Variants in DIAPH3 observed in about 807,000 individuals in gnomAD.
The protein encoded by DIAPH3 is protein diaphanous homolog 3.
In DIAPH3, 117 loss-of-function variants were observed where a neutral mutation model predicts 144.3. That is an observed-to-expected ratio of 0.81 (90% CI 0.70 to 0.95). The LOEUF (loss-of-function observed/expected upper bound fraction) is 0.95. Ranked by LOEUF, DIAPH3 falls within the 40% of genes least tolerant of loss-of-function variation. The probability of loss-of-function intolerance (pLI) is 0.00; values close to 1 mark genes in which losing one functional copy is unlikely to be tolerated. For missense variants in DIAPH3, 1,421 were observed against 1,412.7 expected (o/e 1.01, Z -0.09); for synonymous variants, 519 against 488.9 (o/e 1.06, Z -0.81).
At chr13:59,981,191 TA>T (rs768210316) in intron 13 of DIAPH3, among the ~76,000 whole-genome samples, 1 of 150,736 alleles carries the variant, frequency 6.6e-6, no homozygotes, top group Non-Finnish European at 1.5e-5. Flanking sequence ...TAAACAAGCT[TA>T]AAAAAAACAG....
chr13:59,860,599 A>G (rs2043518648), intron 22 of DIAPH3, among the ~76,000 whole-genome samples: 3 of 151,900 alleles, frequency 2.0e-5, no homozygotes, highest in Admixed American at 1.3e-4. Flanking sequence ...TTATCCAGGC[A>G]TGGAGGCGGG....
intron 4 of DIAPH3, among the ~76,000 whole-genome samples, chr13:60,054,005 G>C (rs1038996291): frequency 6.6e-6 from 1 of 152,016 alleles, no homozygotes; most frequent in Non-Finnish European, 1.5e-5. Context: ...TAGAATACCT[G>C]TGATATCAAA....
In DIAPH3 at chr13:59,776,854, GAGAAAA is replaced by G. The variant is rs1453776242; in HGVS notation, c.3164-2037_3164-2032del. On this transcript the variant is annotated intron_variant, in intron 25 of 27. Transcript: ENST00000400324. ...GAAAGAAAATGGAAATATGGAATTG[GAGAAAA>G]AGAAAAAGAACCAAGAAGGGTTGGA... 9.2e-5 allele frequency among the ~76,000 whole-genome samples: 14 copies of G among 152,088 alleles called. No individual in the cohort carries two copies. In the East Asian group the frequency reaches 2.7e-3, roughly 29 times the overall value.
chr13:59,959,300 T>A (rs1055380974), intron 17 of DIAPH3, among the ~76,000 whole-genome samples: 1 of 152,320 alleles, frequency 6.6e-6, no homozygotes, highest in Middle Eastern at 3.4e-3. Context: ...AACACAAATA[T>A]GTTCATTTAA....
At chr13:59,712,259 C>G (rs1318695628) in intron 27 of DIAPH3, among the ~76,000 whole-genome samples, 2 of 152,206 alleles carry the variant, frequency 1.3e-5, no homozygotes, top group African/African-American at 4.8e-5. Flanking sequence ...CCTTCTAGTT[C>G]TCCAAGTGGT....
rs531245380 is a variant in DIAPH3 at position 59,874,031 on chromosome 13, T to G, written c.2607+5198A>C. Among the ~76,000 whole-genome samples the G allele has an allele frequency of 4.6e-5, 7 of 152,300 alleles. No individual in the cohort carries two copies. The South Asian group carries it at 1.5e-3, about 32-fold the overall frequency. On this transcript the variant is annotated intron_variant, in intron 21 of 27. Coordinates refer to ENST00000400324, the MANE Select transcript of DIAPH3 (RefSeq NM_001042517.2). Reference sequence around the variant, plus strand: ...TTTCGTTTTTGTCGTGGCTTTGGTGTTGGTTAATTTTCATTTTTTCATGTT... The same window carrying G: ...TTTCGTTTTTGTCGTGGCTTTGGTGGTGGTTAATTTTCATTTTTTCATGTT...
chr13:59,730,817 T>G (rs1485532477), intron 27 of DIAPH3, among the ~76,000 whole-genome samples: 15 of 152,174 alleles, frequency 9.9e-5, no homozygotes, highest in Admixed American at 7.9e-4. Context: ...GTTGAGATGA[T>G]CACATGAATG....
intron 24 of DIAPH3, 49 bp downstream of exon 24, chr13:59,833,058 A>T: frequency 2.9e-6 from 4 of 1,363,298 alleles, no homozygotes; most frequent in Non-Finnish European, 4.1e-6. Context: ...ATAATAGATA[A>T]GATAGTATAA....
intron 27 of DIAPH3, among the ~76,000 whole-genome samples, chr13:59,714,489 C>CA (rs1750885102): frequency 6.6e-6 from 1 of 151,952 alleles, no homozygotes; most frequent in Non-Finnish European, 1.5e-5. Context: ...GGGCTATGAA[C>CA]ACACCACTGC....
intron 13 of DIAPH3, among the ~76,000 whole-genome samples, chr13:59,983,468 A>C (rs2051163142): frequency 6.6e-6 from 1 of 151,604 alleles, no homozygotes; most frequent in Non-Finnish European, 1.5e-5. Flanking sequence ...CTTAAGTAAA[A>C]AATGGCAGTT....
At chr13:60,111,841 A>C (rs1021643074) in intron 3 of DIAPH3, among the ~76,000 whole-genome samples, 169 bp downstream of exon 3, 3 of 152,154 alleles carry the variant, frequency 2.0e-5, no homozygotes, top group Admixed American at 2.0e-4. Context: ...TTTTCTTCAG[A>C]TTTCATATTT....
chr13:59,932,391 G>A (rs1331317129), intron 17 of DIAPH3, among the ~76,000 whole-genome samples: 2 of 151,806 alleles, frequency 1.3e-5, no homozygotes, highest in Non-Finnish European at 2.9e-5. Context: ...ACTACTACTA[G>A]TATCATTGTC....
rs1448993882 is a variant in DIAPH3, at chr13:59,665,978, C to T, written c.*606G>A. 1 of 152,204 alleles carries T rather than the reference C, an allele frequency of 6.6e-6. No homozygotes were observed. The highest frequency in any genetic ancestry group is 2.4e-5 in the African/African-American group (1 of 41,418). 9.4% of individuals were successfully genotyped at this position (152,204 alleles called of 1,614,324 possible). On this transcript the variant is annotated 3_prime_UTR_variant, in exon 28 of 28. Coordinates refer to ENST00000400324, the MANE Select transcript of DIAPH3 (RefSeq NM_001042517.2). ...CATTTTTCGTTATGTGCTCAATTGC[C>T]TTATGGTCCCCTAGAGGGTCTACTT...
chr13:60,159,706 G>A (rs539952185), intron 1 of DIAPH3, among the ~76,000 whole-genome samples: 1 of 152,100 alleles, frequency 6.6e-6, no homozygotes, highest in South Asian at 2.1e-4. Context: ...TCATGAACTG[G>A]CAGCTGTGTG....
intron 27 of DIAPH3, among the ~76,000 whole-genome samples, chr13:59,670,404 C>A (rs1478710917): frequency 1.3e-5 from 2 of 152,194 alleles, no homozygotes; most frequent in Non-Finnish European, 2.9e-5. Context: ...CAACAGCCCC[C>A]ATTCTGGTCC....
Position 59,916,124 on chromosome 13 carries a change from A to G in DIAPH3, c.2265+31T>C. 2.6e-6 allele frequency: 4 copies of G among 1,565,132 alleles called. No individual in the cohort carries two copies. In the Admixed American group the frequency reaches 5.0e-5, roughly 20 times the overall value. ...TTTAATGAGAAGCTTGCAATGAAAT[A>G]TTGAAATTTAAGCTGTGCCTGTTTG... On this transcript the variant is annotated intron_variant, in intron 19 of 27. Transcript: ENST00000400324.
rs543370682 is a variant in DIAPH3, at chr13:60,025,913, A to C, written c.627-9768T>G. Among the ~76,000 whole-genome samples the C allele has an allele frequency of 2.7e-3, 410 of 152,316 alleles. 1 individual carries two copies. The highest frequency in any genetic ancestry group is 4.6e-3 in the Non-Finnish European group (313 of 68,010). On this transcript the variant is annotated intron_variant, in intron 5 of 27. Transcript: ENST00000400324. ...ATGAAGATGGCTACCACACTTAGCTAGGGCCTAGGAACAAAACCAAACTTA... is the reference window on the plus strand; with the variant it reads ...ATGAAGATGGCTACCACACTTAGCTCGGGCCTAGGAACAAAACCAAACTTA...
At chr13:60,117,451 T>C (rs1169961362) in intron 2 of DIAPH3, among the ~76,000 whole-genome samples, 2 of 151,938 alleles carry the variant, frequency 1.3e-5, no homozygotes, top group Non-Finnish European at 2.9e-5. Flanking sequence ...ATAAGCACAA[T>C]CCTTCCTCCT....
At chr13:60,110,336 G>T (rs2058533332) in intron 3 of DIAPH3, among the ~76,000 whole-genome samples, 1 of 152,162 alleles carries the variant, frequency 6.6e-6, no homozygotes, top group Non-Finnish European at 1.5e-5. Context: ...ATTATTCAAT[G>T]TTGCTTTCTC....
Sources: gnomAD v4.1 joint callset for allele counts (sites outside exome capture counted in the v4.1 genomes callset) on GRCh38, gnomAD v4.1.1 for gene constraint, MANE v1.5 for transcripts, NCBI Gene and HGNC (gene_info 2026-07-23, HGNC 2026-07-21) for gene names.